CACNA2D3: variants seen among roughly 807,000 people sequenced by gnomAD.
CACNA2D3 encodes the protein voltage-dependent calcium channel subunit alpha-2/delta-3.
In CACNA2D3, 60 loss-of-function variants were observed where a neutral mutation model predicts 160.6. That is an observed-to-expected ratio of 0.37 (90% CI 0.30 to 0.46). The LOEUF (loss-of-function observed/expected upper bound fraction) is 0.46, where lower values mean the gene tolerates loss of function less well. CACNA2D3 is among the 20% of genes least tolerant of loss of function. The probability of loss-of-function intolerance (pLI) is 1.00; values close to 1 mark genes in which losing one functional copy is unlikely to be tolerated. For synonymous variants in CACNA2D3, 558 were observed against 492.9 expected, an observed-to-expected ratio of 1.13 and a Z score of -1.75; for missense variants, 1,205 against 1,365.0, an observed-to-expected ratio of 0.88 and a Z score of 1.85.
At chr3:54,814,069 A>G (rs555022191) in intron 13 of CACNA2D3, among the ~76,000 whole-genome samples, 10 of 151,770 alleles carry the variant, frequency 6.6e-5, no homozygotes, top group South Asian at 4.2e-4. Context: ...GAGTTTCACT[A>G]TGTTGCCCAG....
chr3:54,465,721 G>A (rs1262996870), intron 4 of CACNA2D3, among the ~76,000 whole-genome samples: 8 of 152,182 alleles, frequency 5.3e-5, no homozygotes, highest in African/African-American at 1.9e-4. Flanking sequence ...AATTACTTTT[G>A]CATCAACCTA....
At chr3:54,705,774 A>G (rs1700846191) in intron 11 of CACNA2D3, among the ~76,000 whole-genome samples, 1 of 152,192 alleles carries the variant, frequency 6.6e-6, no homozygotes, top group South Asian at 2.1e-4. Flanking sequence ...GCTTCAAATA[A>G]TGTGCTGATC....
intron 13 of CACNA2D3, 102 bp from the exon 14 acceptor site, chr3:54,816,751 T>G: frequency 7.4e-7 from 1 of 1,356,706 alleles, no homozygotes; most frequent in Non-Finnish European, 1.0e-6. Context: ...CCCATTTTGG[T>G]TTCTCCATTT....
At position 54,327,392 on chromosome 3, in the gene CACNA2D3, TTGG is replaced by T. The variant is rs1246784291; in HGVS notation, c.321+6838_321+6840del. 2.6e-5 allele frequency among the ~76,000 whole-genome samples: 4 copies of T among 152,366 alleles called. No homozygotes were observed. The East Asian group carries it at 7.7e-4, about 29-fold the overall frequency. ...CTCACATCATTGAAGTTGGCTTGAC[TTGG>T]TGGACTGTATCCTAACTTTCATGCT... On this transcript the variant is annotated intron_variant, in intron 3 of 37. Transcript: ENST00000474759.
At chr3:54,646,192 T>TTCCTTCCA (rs1699645305) in intron 11 of CACNA2D3, among the ~76,000 whole-genome samples, 1 of 6,678 alleles carries the variant, frequency 1.5e-4, no homozygotes, top group African/African-American at 4.1e-4. Flanking sequence ...CCCTCCTTCC[T>TTCCTTCCA]TGCTTCCTTC....
chr3:54,987,889 C>T, intron 31 of CACNA2D3, 136 bp downstream of exon 31: 1 of 603,250 alleles, frequency 1.7e-6, no homozygotes, highest in Non-Finnish European at 2.9e-6. Flanking sequence ...CAAAAGATCT[C>T]TCTGAAATTC....
chr3:54,551,107 C>T lies in CACNA2D3; in HGVS notation c.545-11693C>T, dbSNP rs568655521. On this transcript the variant is annotated intron_variant, in intron 5 of 37. Transcript: ENST00000474759. ...GCAGACCCAGGTCTGCAAAGCCCTA[C>T]TTGGTTCCCCCTGTCCCCATTTCTC... is the stretch of plus-strand genomic sequence containing the variant. Among the ~76,000 whole-genome samples, 14 of 152,352 alleles carry T rather than the reference C, an allele frequency of 9.2e-5. No individual in the cohort carries two copies. The South Asian group carries it at 2.9e-3, about 32-fold the overall frequency.
chr3:54,993,900 GTGTGTGTGTGTGTGTGTGTGTTT>G (rs1702795361), intron 31 of CACNA2D3, among the ~76,000 whole-genome samples: 1 of 145,754 alleles, frequency 6.9e-6, no homozygotes. Context: ...GTGTGTGTGT[GTGTGTGTGTGTGTGTGTGTGTTT>G]TGTGTGTGTG....
chr3:54,687,146 T>TTTG (rs1559549512), intron 11 of CACNA2D3, among the ~76,000 whole-genome samples: 1 of 76,844 alleles, frequency 1.3e-5, no homozygotes, highest in Non-Finnish European at 2.8e-5. Context: ...TTTTTTTTTT[T>TTTG]TTTTGTTTTT....
At chr3:54,796,922 A>G (rs1418396809) in intron 13 of CACNA2D3, among the ~76,000 whole-genome samples, 1 of 152,226 alleles carries the variant, frequency 6.6e-6, no homozygotes, top group Non-Finnish European at 1.5e-5. Context: ...CATCAGCTGT[A>G]TCAGCTGTTT....
chr3:54,420,804 T>C (rs1699825793), intron 4 of CACNA2D3, among the ~76,000 whole-genome samples: 1 of 152,122 alleles, frequency 6.6e-6, no homozygotes, highest in Non-Finnish European at 1.5e-5. Context: ...TTAGCTGAGT[T>C]TGTTGTTGTT....
chr3:54,274,819 C>T (rs768924624), intron 2 of CACNA2D3, among the ~76,000 whole-genome samples: 2 of 152,234 alleles, frequency 1.3e-5, no homozygotes, highest in African/African-American at 4.8e-5. Flanking sequence ...CCACGTGGGC[C>T]TCTCTGTTGA....
intron 2 of CACNA2D3, among the ~76,000 whole-genome samples, chr3:54,134,903 G>A (rs969400321): frequency 6.6e-5 from 10 of 152,244 alleles, no homozygotes; most frequent in Admixed American, 6.5e-4. Context: ...CGGGAGCACC[G>A]CAGTGCAGGG....
intron 27 of CACNA2D3, among the ~76,000 whole-genome samples, chr3:54,949,526 C>G (rs541046456): frequency 1.3e-5 from 2 of 152,322 alleles, no homozygotes; most frequent in Non-Finnish European, 2.9e-5. Context: ...CAATGGCCCA[C>G]TCCACCATTC....
intron 3 of CACNA2D3, among the ~76,000 whole-genome samples, chr3:54,343,553 C>T (rs556769788): frequency 5.5e-4 from 84 of 152,248 alleles, no homozygotes; most frequent in African/African-American, 1.9e-3. Flanking sequence ...CACAGTGCTG[C>T]GACTACAGGC....
At chr3:54,414,091 A>G (rs1474311847) in intron 4 of CACNA2D3, among the ~76,000 whole-genome samples, 1 of 151,914 alleles carries the variant, frequency 6.6e-6, no homozygotes, top group Non-Finnish European at 1.5e-5. Context: ...TTAAATTTAT[A>G]TTAGGAAACA....
intron 14 of CACNA2D3, among the ~76,000 whole-genome samples, chr3:54,819,672 A>G (rs1053103410): frequency 3.3e-5 from 5 of 152,092 alleles, no homozygotes; most frequent in African/African-American, 1.2e-4. Flanking sequence ...TGGTGAAACC[A>G]CGTCTCTTCT....
At chr3:54,266,883 G>T (rs1025404507) in intron 2 of CACNA2D3, among the ~76,000 whole-genome samples, 1 of 152,146 alleles carries the variant, frequency 6.6e-6, no homozygotes. Context: ...GGCAAAGCAG[G>T]CCCTCTTAGG....
intron 35 of CACNA2D3, among the ~76,000 whole-genome samples, chr3:55,028,442 C>T (rs1005007972): frequency 6.6e-6 from 1 of 152,156 alleles, no homozygotes; most frequent in African/African-American, 2.4e-5. Context: ...GTTATTCAAA[C>T]AGCAATCGAA....
Sources: allele counts gnomAD v4.1 joint callset (sites outside exome capture counted in the v4.1 genomes callset), GRCh38; gene constraint gnomAD v4.1.1; transcripts MANE v1.5; gene names NCBI Gene and HGNC (gene_info 2026-07-23, HGNC 2026-07-21).